Variants in SAMD13 observed in about 807,000 individuals in gnomAD.
SAMD13 encodes the protein sterile alpha motif domain-containing protein 13.
In SAMD13, 9 loss-of-function variants were observed where a neutral mutation model predicts 12.4. The observed-to-expected ratio is 0.72, with a 90% CI of 0.44 to 1.26. The LOEUF is 1.26. Among genes scored for constraint, SAMD13 ranks in the 50% most tolerant of loss-of-function variants. The probability of loss-of-function intolerance (pLI) is 0.00; values close to 1 mark genes in which losing one functional copy is unlikely to be tolerated. For missense variants in SAMD13, 84 were observed against 119.6 expected, an observed-to-expected ratio of 0.70 and a Z score of 1.39; for synonymous variants, 46 against 45.4, an observed-to-expected ratio of 1.01 and a Z score of -0.05.
At chr1:84,343,304 C>T (rs551490146) in intron 3 of SAMD13, among the ~76,000 whole-genome samples, 1 of 152,144 alleles carries the variant, frequency 6.6e-6, no homozygotes, top group Non-Finnish European at 1.5e-5. Context: ...GGCAATTCCT[C>T]AAAGATCTAG....
chr1:84,326,574 G>A (rs571150858), intron 3 of SAMD13, among the ~76,000 whole-genome samples: 29 of 152,252 alleles, frequency 1.9e-4, no homozygotes, highest in African/African-American at 6.5e-4. Flanking sequence ...GAGGCAAGTG[G>A]GGGCAACACA....
rs571587245 is a variant in SAMD13 at position 84,333,471 on chromosome 1, A to G, written c.165+7723A>G. Among the ~76,000 whole-genome samples, 7 of 152,118 alleles carry G rather than the reference A, an allele frequency of 4.6e-5. No homozygotes were observed. In the South Asian group the frequency reaches 1.5e-3, roughly 32 times the overall value. On this transcript the variant is annotated intron_variant, in intron 3 of 3. Transcript: ENST00000394834. Reference sequence around the variant, plus strand: ...TAGGTATTTTATTCTTTTTGTGGCAATTGTGAATGGGATTGCATTCCTGAT... The same window carrying G: ...TAGGTATTTTATTCTTTTTGTGGCAGTTGTGAATGGGATTGCATTCCTGAT...
chr1:84,305,167 A>C (rs1678540865), intron 2 of SAMD13, among the ~76,000 whole-genome samples: 1 of 152,174 alleles, frequency 6.6e-6, no homozygotes, highest in Admixed American at 6.5e-5. Context: ...CAGTTGTTCC[A>C]CATGCTCATG....
intron 1 of SAMD13, chr1:84,302,836 A>G (rs1326580363): frequency 1.2e-5 from 2 of 164,688 alleles, no homozygotes; most frequent in South Asian, 2.1e-4. Context: ...GGGGCAGGAA[A>G]AGGGGGATTG....
At chr1:84,313,149 A>G (rs1284058551) in intron 2 of SAMD13, among the ~76,000 whole-genome samples, 1 of 152,188 alleles carries the variant, frequency 6.6e-6, no homozygotes, top group African/African-American at 2.4e-5. Context: ...ATCCACATGT[A>G]TACATAACAC....
chr1:84,349,887 A>G lies in SAMD13; in HGVS notation c.*113A>G. On this transcript the variant is annotated 3_prime_UTR_variant, in exon 4 of 4. Coordinates refer to ENST00000394834, the MANE Select transcript of SAMD13 (RefSeq NM_001134663.2). ...ACATGTGTATATGTAAAGAATTTCA[A>G]TCAAATGAAACGTTATCCTATTGGA... 1 of 1,451,518 alleles carries G rather than the reference A, an allele frequency of 6.9e-7. No homozygotes were observed. The allele number at this position is 1,451,518 out of a possible 1,614,324, so 89.9% of individuals were successfully genotyped here. A position where few individuals can be genotyped will look rare whatever the true frequency, so the allele number is the denominator to read the frequency against.
chr1:84,309,536 T>C (rs1678662143), intron 2 of SAMD13, among the ~76,000 whole-genome samples: 1 of 152,220 alleles, frequency 6.6e-6, no homozygotes. Context: ...CTTAGATCTC[T>C]GATGTGGACC....
At chr1:84,326,279 T>C (rs1679058483) in intron 3 of SAMD13, among the ~76,000 whole-genome samples, 1 of 152,202 alleles carries the variant, frequency 6.6e-6, no homozygotes, top group Non-Finnish European at 1.5e-5. Context: ...CGTTACTATG[T>C]CTCTCTGAGT....
At chr1:84,342,990 G>T (rs2101819654) in intron 3 of SAMD13, among the ~76,000 whole-genome samples, 1 of 151,550 alleles carries the variant, frequency 6.6e-6, no homozygotes, top group Admixed American at 6.6e-5. Context: ...AATCTACAAG[G>T]AATTTAAACA....
intron 2 of SAMD13, among the ~76,000 whole-genome samples, chr1:84,319,829 G>C (rs914100894): frequency 6.6e-6 from 1 of 152,108 alleles, no homozygotes; most frequent in Non-Finnish European, 1.5e-5. Context: ...TTGCCTGAGG[G>C]AAGATACCTA....
At chr1:84,305,344 G>C (rs1380208644) in intron 2 of SAMD13, among the ~76,000 whole-genome samples, 1 of 151,882 alleles carries the variant, frequency 6.6e-6, no homozygotes, top group Non-Finnish European at 1.5e-5. Context: ...GCCCATATTT[G>C]TATCGGGTTT....
upstream of SAMD13, among the ~76,000 whole-genome samples, chr1:84,299,946 C>T (rs941384330): frequency 4.6e-5 from 7 of 152,148 alleles, no homozygotes; most frequent in African/African-American, 1.7e-4. Context: ...TCTCCTGTGG[C>T]TGTGTCTAAG....
intron 3 of SAMD13, among the ~76,000 whole-genome samples, chr1:84,347,453 G>C (rs1226616550): frequency 6.6e-6 from 1 of 152,094 alleles, no homozygotes; most frequent in Non-Finnish European, 1.5e-5. Context: ...GGCATACTTG[G>C]CTTTTGACAG....
intron 3 of SAMD13, among the ~76,000 whole-genome samples, chr1:84,344,106 T>C (rs1182810511): frequency 2.0e-5 from 3 of 151,682 alleles, no homozygotes; most frequent in Non-Finnish European, 4.4e-5. Flanking sequence ...ACAGACCCTT[T>C]ATCACCTACC....
intron 2 of SAMD13, among the ~76,000 whole-genome samples, chr1:84,307,718 C>A (rs1678611957): frequency 6.6e-6 from 1 of 152,036 alleles, no homozygotes; most frequent in Non-Finnish European, 1.5e-5. Flanking sequence ...TTAAGTCTTG[C>A]CTTTAAGTTT....
At chr1:84,333,627 C>G (rs1336737806) in intron 3 of SAMD13, among the ~76,000 whole-genome samples, 1 of 152,064 alleles carries the variant, frequency 6.6e-6, no homozygotes, top group East Asian at 1.9e-4. Context: ...TGGTCAGAGA[C>G]TATGGGGTTT....
intron 2 of SAMD13, among the ~76,000 whole-genome samples, chr1:84,323,352 CATT>C (rs1275321286): frequency 2.6e-5 from 4 of 151,880 alleles, no homozygotes; most frequent in African/African-American, 9.7e-5. Flanking sequence ...TATTTAGTAA[CATT>C]AGGGTGAAAA....
chr1:84,306,079 T>C (rs1216530747), intron 2 of SAMD13, among the ~76,000 whole-genome samples: 1 of 152,192 alleles, frequency 6.6e-6, no homozygotes, highest in Non-Finnish European at 1.5e-5. Context: ...GAGTTGGTAT[T>C]TTAACAATAT....
rs965809332 is a variant in SAMD13 at position 84,343,086 on chromosome 1, G to A, written c.166-6545G>A. Among the ~76,000 whole-genome samples, 6 of 152,192 alleles carry A rather than the reference G, an allele frequency of 3.9e-5. No homozygotes were observed. In the East Asian group the frequency reaches 1.2e-3, roughly 29 times the overall value. ...CTTCTCAGAAGAAGACATTAGTGCA[G>A]CCAAGAAACATGAAAAAAACTCAAC... On this transcript the variant is annotated intron_variant, in intron 3 of 3. Transcript: ENST00000394834.
Sources: allele counts gnomAD v4.1 joint callset (sites outside exome capture counted in the v4.1 genomes callset), GRCh38; gene constraint gnomAD v4.1.1; transcripts MANE v1.5; gene names NCBI Gene and HGNC (gene_info 2026-07-23, HGNC 2026-07-21).